BLTP3B: variants seen among roughly 807,000 people sequenced by gnomAD.
BLTP3B encodes the protein bridge-like lipid transfer protein family member 3B.
the BLTP3B span, chr12:100,058,001 T>G: frequency 6.5e-7 from 1 of 1,532,750 alleles, no homozygotes; most frequent in Non-Finnish European, 8.7e-7. Flanking sequence ...TAAATTAATT[T>G]TTAAAAAGGC....
the BLTP3B span, among the ~76,000 whole-genome samples, chr12:100,062,668 A>G: frequency 6.6e-6 from 1 of 152,206 alleles, no homozygotes; most frequent in South Asian, 2.1e-4. Flanking sequence ...GCTTGTATAA[A>G]TAAGCCTGGA....
the BLTP3B span, among the ~76,000 whole-genome samples, chr12:100,130,985 GAGAGAGAGAGA>G: frequency 3.4e-5 from 2 of 57,974 alleles, no homozygotes; most frequent in Non-Finnish European, 8.0e-5. Flanking sequence ...GAGGGAGGGA[GAGAGAGAGAGA>G]GAGAGAGAGA....
chr12:100,080,954 A>C, the BLTP3B span, among the ~76,000 whole-genome samples: 4 of 152,164 alleles, frequency 2.6e-5, no homozygotes, highest in South Asian at 2.1e-4. Flanking sequence ...TGATTGAATT[A>C]TGGGGGTGGG....
the BLTP3B span, among the ~76,000 whole-genome samples, chr12:100,107,801 C>T: frequency 6.6e-6 from 1 of 152,210 alleles, no homozygotes; most frequent in South Asian, 2.1e-4. Context: ...GTGGCACAAT[C>T]ATGACTCACT....
the BLTP3B span, chr12:100,098,341 A>G: frequency 5.8e-6 from 9 of 1,558,796 alleles, no homozygotes; most frequent in African/African-American, 1.4e-5. Flanking sequence ...AAAGAAAGAA[A>G]AAAATGTTAC....
the BLTP3B span, chr12:100,092,865 T>C: frequency 3.1e-6 from 3 of 977,414 alleles, no homozygotes; most frequent in East Asian, 2.3e-4. Flanking sequence ...TGTACTTCTT[T>C]CCTTATACTT....
the BLTP3B span, among the ~76,000 whole-genome samples, chr12:100,093,595 AG>A: frequency 1.3e-5 from 2 of 152,160 alleles, no homozygotes; most frequent in Admixed American, 6.5e-5. Flanking sequence ...AATCCATCCT[AG>A]TAAGACTGAG....
the BLTP3B span, among the ~76,000 whole-genome samples, chr12:100,114,899 G>A: frequency 1.3e-5 from 2 of 152,082 alleles, no homozygotes; most frequent in Non-Finnish European, 2.9e-5. Flanking sequence ...GTCACTCCAG[G>A]TGTACCTCTT....
At chr12:100,109,181 TCTC>T in the BLTP3B span, among the ~76,000 whole-genome samples, 1 of 147,326 alleles carries the variant, frequency 6.8e-6, no homozygotes, top group Non-Finnish European at 1.5e-5. Flanking sequence ...TCTCTCTCTC[TCTC>T]TCTCTCTCTC....
chr12:100,086,372 AGGGGG>A, the BLTP3B span: 3 of 439,232 alleles, frequency 6.8e-6, no homozygotes, highest in Non-Finnish European at 1.3e-5. Context: ...GGAAAAAAAA[AGGGGG>A]GGGGGGAAAT....
At chr12:100,133,400 G>T in the BLTP3B span, among the ~76,000 whole-genome samples, 3 of 152,266 alleles carry the variant, frequency 2.0e-5, no homozygotes, top group East Asian at 5.8e-4. Flanking sequence ...TCAAAGGACC[G>T]CAGAGTCAAA....
At chr12:100,070,275 A>G in the BLTP3B span, 277 of 1,302,558 alleles carry the variant, frequency 2.1e-4, 2 homozygotes, top group African/African-American at 4.2e-3. Flanking sequence ...AAGGTTTTTT[A>G]TTTTTAATTA....
At chr12:100,125,001 C>CATAT in the BLTP3B span, among the ~76,000 whole-genome samples, 355 of 75,454 alleles carry the variant, frequency 4.7e-3, 1 homozygote, top group Non-Finnish European at 6.9e-3. Context: ...TATTAAGGTC[C>CATAT]ATATATATAT....
chr12:100,066,560 A>C, the BLTP3B span, among the ~76,000 whole-genome samples: 3 of 151,904 alleles, frequency 2.0e-5, no homozygotes, highest in Non-Finnish European at 4.4e-5. Flanking sequence ...TTGGGAGGCC[A>C]AGGCAGCCAG....
the BLTP3B span, chr12:100,058,099 A>C: frequency 1.9e-6 from 3 of 1,609,654 alleles, no homozygotes; most frequent in Non-Finnish European, 2.5e-6. Context: ...AGGTTTTCAG[A>C]GAGTGAAGCT....
the BLTP3B span, chr12:100,128,759 G>C: frequency 1.6e-6 from 2 of 1,256,664 alleles, no homozygotes; most frequent in South Asian, 2.6e-5. Flanking sequence ...GACACAGAAG[G>C]GAGCAAGTTT....
chr12:100,123,781 C>A, the BLTP3B span, among the ~76,000 whole-genome samples: 2 of 151,656 alleles, frequency 1.3e-5, no homozygotes, highest in Non-Finnish European at 2.9e-5. Flanking sequence ...TCTCAATTTA[C>A]ACAGAGTTTG....
chr12:100,105,846 TCAAA>T, the BLTP3B span, among the ~76,000 whole-genome samples: 361 of 151,734 alleles, frequency 2.4e-3, 8 homozygotes, highest in East Asian at 0.04. Context: ...TACAAGGAAC[TCAAA>T]CAAATCAGCA....
At chr12:100,039,914 T>C in the BLTP3B span, 1 of 780,010 alleles carries the variant, frequency 1.3e-6, no homozygotes, top group African/African-American at 1.8e-5. Context: ...GATAGTAGTA[T>C]GAGATAGAAC....
Sources: gnomAD v4.1 joint callset for allele counts (sites outside exome capture counted in the v4.1 genomes callset) on GRCh38, gnomAD v4.1.1 for gene constraint, MANE v1.5 for transcripts, NCBI Gene and HGNC (gene_info 2026-07-23, HGNC 2026-07-21) for gene names.